The following NPAS3 variants were observed in gnomAD, a reference collection of about 807,000 sequenced individuals.
NPAS3 encodes neuronal PAS domain-containing protein 3.
In NPAS3, 14 loss-of-function variants were observed where a neutral mutation model predicts 73.1. The observed-to-expected ratio is 0.19, with a 90% confidence interval of 0.13 to 0.30. The LOEUF is 0.30. Ranked by LOEUF, NPAS3 falls within the 10% of genes least tolerant of loss-of-function variation. The pLI is 1.00. For missense variants in NPAS3, 1,096 were observed against 1,250.0 expected (o/e 0.88, Z 1.86); for synonymous variants, 620 against 541.5 (o/e 1.14, Z -2.01).
chr14:33,197,144 A>G (rs774624547), intron 2 of NPAS3, among the ~76,000 whole-genome samples: 1 of 152,200 alleles, frequency 6.6e-6, no homozygotes, highest in Non-Finnish European at 1.5e-5. Context: ...TATAGCCTAC[A>G]GTTGAACATA....
At position 33,800,153 on chromosome 14, in the gene NPAS3, C is replaced by G. The variant is rs1446693804; in HGVS notation, c.1846C>G (p.Arg616Gly). The stretch of plus-strand genomic sequence containing the variant: ...AAAGGGCGGCAGCGCCAGCCGCCGG[C>G]GCCTGTCCAGCGCGTCGAGCCCAGG... The change falls in exon 12 of 12, where the codon CGC (arginine) becomes GGC (glycine). Residue 616 changes from arginine (R) to glycine (G), a missense_variant. This residue lies in a region of NPAS3 where 698 missense variants were observed against 676.7 expected (regional missense o/e 1.03). Transcript: ENST00000356141. The surrounding 1 kb of genome is among the most constrained non-coding windows in gnomAD (Gnocchi z 6.5). 1 of 1,599,364 alleles carries G rather than the reference C, an allele frequency of 6.3e-7. No homozygotes were observed. The highest frequency in any genetic ancestry group is 1.7e-5 in the Admixed American group (1 of 57,888).
At chr14:32,943,620 T>C (rs756508847) in intron 1 of NPAS3, among the ~76,000 whole-genome samples, 1 of 152,150 alleles carries the variant, frequency 6.6e-6, no homozygotes, top group Non-Finnish European at 1.5e-5. Flanking sequence ...TGGGGAAGCA[T>C]TATTTATTTT....
Position 33,179,754 on chromosome 14 carries a change from A to G in NPAS3, c.141-35428A>G, listed in dbSNP as rs567512085. 7.2e-5 allele frequency among the ~76,000 whole-genome samples: 11 copies of G among 152,332 alleles called. No homozygotes were observed. The East Asian group carries it at 2.1e-3, about 29-fold the overall frequency. Reference sequence around the variant, plus strand: ...TTCCCCAATTCAGAACTCTTGAAACACAGTAAAGAGTGGAGGAATGGATGG... The same window carrying G: ...TTCCCCAATTCAGAACTCTTGAAACGCAGTAAAGAGTGGAGGAATGGATGG... On this transcript the variant is annotated intron_variant, in intron 2 of 11. Coordinates refer to ENST00000356141, the Ensembl canonical transcript of NPAS3.
chr14:33,404,594 C>T (rs1029730129), intron 4 of NPAS3, among the ~76,000 whole-genome samples: 5 of 152,044 alleles, frequency 3.3e-5, no homozygotes, highest in African/African-American at 4.8e-5. Flanking sequence ...AGTATTTTCA[C>T]GCTCATGGAG....
chr14:33,187,966 A>G (rs1345995753), intron 2 of NPAS3, among the ~76,000 whole-genome samples: 1 of 152,142 alleles, frequency 6.6e-6, no homozygotes, highest in Non-Finnish European at 1.5e-5. Context: ...TTGGCAGAAC[A>G]TGATATTAAT....
chr14:33,668,931 A>G (rs2059533985), intron 5 of NPAS3, among the ~76,000 whole-genome samples: 1 of 152,358 alleles, frequency 6.6e-6, no homozygotes, highest in Admixed American at 6.5e-5. Flanking sequence ...AAAATTCGCT[A>G]TGAAAACAAT....
At chr14:33,259,046 C>T (rs1224460275) in intron 3 of NPAS3, among the ~76,000 whole-genome samples, 1 of 152,200 alleles carries the variant, frequency 6.6e-6, no homozygotes, top group Non-Finnish European at 1.5e-5. Flanking sequence ...ATCTCCTGAC[C>T]TCGTGATCCG....
chr14:33,664,556 A>G (rs572051794), intron 5 of NPAS3, among the ~76,000 whole-genome samples: 6 of 152,356 alleles, frequency 3.9e-5, no homozygotes, highest in South Asian at 2.1e-4. Flanking sequence ...GCACAGCAAA[A>G]GAAACTATCA....
At chr14:33,419,717 A>G (rs1410087971) in intron 4 of NPAS3, among the ~76,000 whole-genome samples, 1 of 151,892 alleles carries the variant, frequency 6.6e-6, no homozygotes, top group Non-Finnish European at 1.5e-5. Flanking sequence ...TCTGATAAGG[A>G]GCTAAGTATA....
intron 3 of NPAS3, among the ~76,000 whole-genome samples, chr14:33,337,396 G>A (rs1402896353): frequency 6.6e-6 from 1 of 151,932 alleles, no homozygotes; most frequent in Non-Finnish European, 1.5e-5. Context: ...CATATCAATT[G>A]ACTATACACA....
Position 33,183,421 on chromosome 14 carries a change from G to GT in NPAS3, c.141-31725dup, listed in dbSNP as rs55643715. 2.4e-3 allele frequency among the ~76,000 whole-genome samples: 143 copies of GT among 60,772 alleles called. 13 individuals carry two copies. The highest frequency in any genetic ancestry group is 4.0e-3 in the Admixed American group (22 of 5,494). 39.9% of individuals were successfully genotyped at this position (60,772 alleles called of 152,430 possible). A position where few individuals can be genotyped will look rare whatever the true frequency, so the allele number is the denominator to read the frequency against. On this transcript the variant is annotated intron_variant, in intron 2 of 11. Coordinates refer to ENST00000356141, the Ensembl canonical transcript of NPAS3. ...AGCCTGGGCGACAGAGTGAGACTCT[G>GT]TTTTTTTTTTTTTTTTTTTTTTTTT... is the stretch of plus-strand genomic sequence containing the variant.
chr14:33,413,754 T>C (rs1255327713), intron 4 of NPAS3, among the ~76,000 whole-genome samples: 3 of 152,148 alleles, frequency 2.0e-5, no homozygotes, highest in Non-Finnish European at 2.9e-5. Flanking sequence ...TGAAAAGACT[T>C]CAGACTGTAA....
chr14:33,559,156 T>C (rs2055511391), intron 4 of NPAS3, among the ~76,000 whole-genome samples: 1 of 152,174 alleles, frequency 6.6e-6, no homozygotes, highest in Non-Finnish European at 1.5e-5. Flanking sequence ...TCTTTCTTTA[T>C]TCTTTCTTTC....
intron 3 of NPAS3, among the ~76,000 whole-genome samples, chr14:33,225,828 A>G (rs1223386253): frequency 1.3e-5 from 2 of 152,198 alleles, no homozygotes; most frequent in African/African-American, 4.8e-5. Context: ...GGACTTAGGT[A>G]CCTATTTTAG....
At chr14:33,527,880 T>C (rs1368845261) in intron 4 of NPAS3, among the ~76,000 whole-genome samples, 1 of 152,064 alleles carries the variant, frequency 6.6e-6, no homozygotes, top group Non-Finnish European at 1.5e-5. Context: ...TGGCAAAAAT[T>C]TGGAGCAATG....
At chr14:33,733,934 T>G (rs1167683018) in intron 6 of NPAS3, among the ~76,000 whole-genome samples, 1 of 152,194 alleles carries the variant, frequency 6.6e-6, no homozygotes, top group Non-Finnish European at 1.5e-5. Flanking sequence ...GCAAGGTTTC[T>G]GTTATTACAG....
At chr14:32,988,669 C>T (rs1479940255) in intron 1 of NPAS3, among the ~76,000 whole-genome samples, 2 of 152,108 alleles carry the variant, frequency 1.3e-5, no homozygotes, top group African/African-American at 4.8e-5. Flanking sequence ...TCTCACTAGC[C>T]ACAGTGGCAA....
intron 4 of NPAS3, among the ~76,000 whole-genome samples, chr14:33,521,764 T>C (rs1185601931): frequency 6.6e-6 from 1 of 152,160 alleles, no homozygotes; most frequent in Non-Finnish European, 1.5e-5. Context: ...CAGCACATTT[T>C]TATGGTACAC....
intron 4 of NPAS3, among the ~76,000 whole-genome samples, chr14:33,383,504 G>A (rs1038179168): frequency 3.3e-5 from 5 of 152,106 alleles, no homozygotes; most frequent in African/African-American, 7.2e-5. Flanking sequence ...GCACCAATTC[G>A]AGAATGTCCT....
Sources: gnomAD v4.1 joint callset for allele counts (sites outside exome capture counted in the v4.1 genomes callset) on GRCh38, gnomAD v4.1.1 for gene constraint, gnomAD v4.1.1 regional missense constraint, Gnocchi (gnomAD v3.1) non-coding constraint, MANE v1.5 for transcripts, NCBI Gene and HGNC (gene_info 2026-07-23, HGNC 2026-07-21) for gene names.